The following NRXN1 variants were observed in gnomAD, a reference collection of about 807,000 sequenced individuals.
NRXN1 encodes neurexin 1.
NRXN1 carries 39 observed loss-of-function variants against 150.9 expected under a neutral mutation model. The ratio of observed to expected loss-of-function variants is 0.26; its 90% CI spans 0.20 to 0.34. The LOEUF (loss-of-function observed/expected upper bound fraction) is 0.34, where lower values mean the gene tolerates loss of function less well. Ranked by LOEUF, NRXN1 falls within the 10% of genes least tolerant of loss-of-function variation. The pLI is 1.00. For synonymous variants in NRXN1, 924 were observed against 757.0 expected (o/e 1.22, Z -3.62); for missense variants, 1,815 against 1,949.9 (o/e 0.93, Z 1.30).
chr2:50,379,043 G>C (rs137878334), intron 17 of NRXN1, among the ~76,000 whole-genome samples: 268 of 152,042 alleles, frequency 1.8e-3, no homozygotes, highest in Middle Eastern at 3.4e-3. Flanking sequence ...CATGCAGCAG[G>C]CATTCAAAAA....
At chr2:50,170,576 A>T (rs2059967892) in intron 18 of NRXN1, among the ~76,000 whole-genome samples, 1 of 152,024 alleles carries the variant, frequency 6.6e-6, no homozygotes, top group African/African-American at 2.4e-5. Context: ...GGATTACAGG[A>T]GTAAGACACG....
intron 18 of NRXN1, among the ~76,000 whole-genome samples, chr2:50,145,607 G>T (rs1034781727): frequency 2.0e-5 from 3 of 151,630 alleles, no homozygotes; most frequent in Non-Finnish European, 4.4e-5. Context: ...AGAAGGAAGA[G>T]ATTCCTTATT....
At chr2:50,291,508 C>T (rs549437061) in intron 17 of NRXN1, among the ~76,000 whole-genome samples, 1 of 152,046 alleles carries the variant, frequency 6.6e-6, no homozygotes, top group Non-Finnish European at 1.5e-5. Flanking sequence ...ACCCATGAAC[C>T]CAGCTCTAGA....
At chr2:50,023,072 G>C (rs1038382341) in intron 21 of NRXN1, 10 of 152,308 alleles carry the variant, frequency 6.6e-5, no homozygotes, top group Middle Eastern at 3.4e-3. Flanking sequence ...ACTGAAGATA[G>C]TGATTTGCAG....
Position 49,988,619 on chromosome 2 carries a change from T to TAAAAA in NRXN1, c.4129-44833_4129-44829dup, listed in dbSNP as rs3046623. ...TTTTGGTCTTGACACAGTTAACTAT[T>TAAAAA]AAAAAAAAAAAAAAAAAAAAGCCCT... On this transcript the variant is annotated intron_variant, in intron 21 of 22. Coordinates refer to ENST00000401669, the MANE Select transcript of NRXN1 (RefSeq NM_001330078.2). 1.6e-5 allele frequency among the ~76,000 whole-genome samples: 2 copies of TAAAAA among 128,000 alleles called. 1 individual carries two copies. The highest frequency in any genetic ancestry group is 3.2e-5 in the Non-Finnish European group (2 of 62,094). 84.0% of individuals were successfully genotyped at this position (128,000 alleles called of 152,430 possible). A position where few individuals can be genotyped will look rare whatever the true frequency, so the allele number is the denominator to read the frequency against.
intron 17 of NRXN1, among the ~76,000 whole-genome samples, chr2:50,332,368 C>G (rs1423892172): frequency 6.6e-6 from 1 of 152,108 alleles, no homozygotes; most frequent in African/African-American, 2.4e-5. Context: ...ACTTTCTGTC[C>G]TCAGGAAATT....
At chr2:50,451,897 A>T (rs942472246) in intron 17 of NRXN1, among the ~76,000 whole-genome samples, 3 of 152,204 alleles carry the variant, frequency 2.0e-5, no homozygotes, top group African/African-American at 7.2e-5. Context: ...TAGTAGTAGT[A>T]TTCCTGCCTA....
intron 18 of NRXN1, among the ~76,000 whole-genome samples, chr2:50,191,717 T>C (rs1406751006): frequency 6.6e-6 from 1 of 152,244 alleles, no homozygotes; most frequent in Non-Finnish European, 1.5e-5. Flanking sequence ...TCATTCAGCA[T>C]AGTTCCCCTG....
chr2:50,308,032 C>T (rs534252824), intron 17 of NRXN1, among the ~76,000 whole-genome samples: 6 of 152,266 alleles, frequency 3.9e-5, no homozygotes, highest in African/African-American at 1.4e-4. Context: ...TTACTGCAGT[C>T]AAGCAAATTA....
intron 17 of NRXN1, among the ~76,000 whole-genome samples, chr2:50,254,809 T>A (rs2067533328): frequency 6.6e-6 from 1 of 152,054 alleles, no homozygotes; most frequent in Non-Finnish European, 1.5e-5. Context: ...CCACATTTAT[T>A]TTTTTTGTAG....
intron 17 of NRXN1, among the ~76,000 whole-genome samples, chr2:50,325,952 A>G (rs941770367): frequency 3.3e-5 from 5 of 152,228 alleles, no homozygotes; most frequent in African/African-American, 4.8e-5. Context: ...AAAAGAAAAC[A>G]AGGAAAAACC....
intron 19 of NRXN1, among the ~76,000 whole-genome samples, chr2:50,084,116 C>T (rs1474461516): frequency 6.6e-6 from 1 of 152,240 alleles, no homozygotes; most frequent in Non-Finnish European, 1.5e-5. Flanking sequence ...TTTACAATCC[C>T]TTGGCTAGAC....
At chr2:50,061,542 G>C (rs561285717) in intron 19 of NRXN1, among the ~76,000 whole-genome samples, 1 of 152,264 alleles carries the variant, frequency 6.6e-6, no homozygotes, top group South Asian at 2.1e-4. Flanking sequence ...CAGAGGTAAG[G>C]ATAAAGCAAT....
intron 15 of NRXN1, among the ~76,000 whole-genome samples, chr2:50,495,380 G>GGTGT (rs1157611088): frequency 0.011 from 203 of 17,780 alleles, 1 homozygote; most frequent in East Asian, 0.035. Flanking sequence ...GTGTGTGTGT[G>GGTGT]GTGTGTGTGT....
intron 13 of NRXN1, among the ~76,000 whole-genome samples, chr2:50,505,106 G>A (rs778235556): frequency 3.5e-4 from 53 of 152,024 alleles, no homozygotes; most frequent in Non-Finnish European, 2.8e-4. Flanking sequence ...ATGTATGTAT[G>A]TATTTGCCTT....
chr2:50,983,662 T>C (rs1050549144), intron 2 of NRXN1, among the ~76,000 whole-genome samples: 2 of 152,074 alleles, frequency 1.3e-5, no homozygotes, highest in African/African-American at 4.8e-5. Context: ...TTAGATATAA[T>C]AGTGAAAATG....
intron 5 of NRXN1, among the ~76,000 whole-genome samples, chr2:50,723,552 G>C (rs1574246926): frequency 6.6e-6 from 1 of 152,318 alleles, no homozygotes; most frequent in African/African-American, 2.4e-5. Context: ...CTGTGAAGAA[G>C]GCTTTCAATG....
chr2:50,333,128 T>C (rs749826274), intron 17 of NRXN1, among the ~76,000 whole-genome samples: 4 of 152,172 alleles, frequency 2.6e-5, no homozygotes, highest in Non-Finnish European at 5.9e-5. Context: ...ATTGATCTCC[T>C]TGATCTACTC....
chr2:50,262,618 A>G (rs570929086), intron 17 of NRXN1, among the ~76,000 whole-genome samples: 1 of 152,034 alleles, frequency 6.6e-6, no homozygotes, highest in Non-Finnish European at 1.5e-5. Context: ...TATGAGCCTT[A>G]GTAGGTTCTA....
Sources: allele counts gnomAD v4.1 joint callset (sites outside exome capture counted in the v4.1 genomes callset), GRCh38; gene constraint gnomAD v4.1.1; transcripts MANE v1.5; gene names NCBI Gene and HGNC (gene_info 2026-07-23, HGNC 2026-07-21).